Variants in TSPEAR observed in about 807,000 individuals in gnomAD.
TSPEAR encodes thrombospondin type laminin G domain and EAR repeats.
A neutral mutation model predicts 71.6 loss-of-function variants in TSPEAR; 69 were observed. The observed-to-expected ratio is 0.96, with a 90% CI of 0.79 to 1.18. The LOEUF is 1.18. Ranked by LOEUF, TSPEAR falls within the 50% of genes most tolerant of loss-of-function variation. The pLI is 0.00. For missense variants in TSPEAR, 971 were observed against 894.9 expected (o/e 1.09, Z -1.09); for synonymous variants, 402 against 387.2 (o/e 1.04, Z -0.45).
intron 2 of TSPEAR, chr21:44,550,681 G>C (rs1555918472): frequency 2.5e-6 from 4 of 1,613,132 alleles, no homozygotes; most frequent in Non-Finnish European, 3.4e-6. Context: ...GGCCCTGGGG[G>C]ACATGGCCAT....
intron 1 of TSPEAR, among the ~76,000 whole-genome samples, chr21:44,648,017 C>T (rs1984543790): frequency 6.6e-6 from 1 of 152,188 alleles, no homozygotes; most frequent in South Asian, 2.1e-4. Flanking sequence ...CCCCAGGCAC[C>T]GTGCTGGCCT....
intron 2 of TSPEAR, chr21:44,540,303 A>AG: frequency 1.6e-6 from 2 of 1,285,762 alleles, no homozygotes; most frequent in East Asian, 4.9e-5. Flanking sequence ...CAGGGCCCAC[A>AG]GCGTCCCCTT....
At position 44,649,192 on chromosome 21, in the gene TSPEAR, G is replaced by A. The variant is rs114173066; in HGVS notation, c.82+62241C>T. 6.4e-3 allele frequency among the ~76,000 whole-genome samples: 968 copies of A among 152,304 alleles called. 5 individuals carry two copies. The highest frequency in any genetic ancestry group is 0.022 in the African/African-American group (925 of 41,566). The stretch of plus-strand genomic sequence containing the variant: ...GCGAGGACATGGTTGGTGCATGCTC[G>A]TCAGGGTGTGATCAGAGACCCTCCA... On this transcript the variant is annotated intron_variant, in intron 1 of 11. Coordinates refer to ENST00000323084, the MANE Select transcript of TSPEAR (RefSeq NM_144991.3).
chr21:44,516,951 G>GC (rs1448963247), intron 9 of TSPEAR, among the ~76,000 whole-genome samples: 1 of 152,162 alleles, frequency 6.6e-6, no homozygotes, highest in Admixed American at 6.5e-5. Context: ...CATCGCAGGA[G>GC]CCCCTCGCTC....
At chr21:44,703,317 G>T (rs1987747968) in intron 1 of TSPEAR, among the ~76,000 whole-genome samples, 1 of 152,226 alleles carries the variant, frequency 6.6e-6, no homozygotes, top group Non-Finnish European at 1.5e-5. Flanking sequence ...TCCTGGATCT[G>T]CACCTCCAGG....
chr21:44,683,553 C>T (rs937979953), intron 1 of TSPEAR, among the ~76,000 whole-genome samples: 14 of 152,050 alleles, frequency 9.2e-5, no homozygotes, highest in African/African-American at 2.7e-4. Context: ...CTTGTGGTCC[C>T]AGCTACACGG....
At chr21:44,525,510 T>G in intron 8 of TSPEAR, 143 bp downstream of exon 8, 1 of 903,058 alleles carries the variant, frequency 1.1e-6, no homozygotes, top group Non-Finnish European at 1.7e-6. Flanking sequence ...CCCCAGACAG[T>G]GAGGAACGGT....
At chr21:44,573,433 C>T (rs1202917545) in intron 1 of TSPEAR, among the ~76,000 whole-genome samples, 2 of 152,176 alleles carry the variant, frequency 1.3e-5, no homozygotes, top group African/African-American at 4.8e-5. Flanking sequence ...CCACCCTCCA[C>T]GTGCGCCTGG....
intron 1 of TSPEAR, among the ~76,000 whole-genome samples, chr21:44,661,131 G>A (rs774730273): frequency 2.2e-4 from 33 of 151,692 alleles, no homozygotes; most frequent in Middle Eastern, 3.4e-3. Context: ...AAAATTAGCC[G>A]GGTGTGGTGG....
At chr21:44,668,604 T>C (rs372338089) in intron 1 of TSPEAR, among the ~76,000 whole-genome samples, 6 of 152,276 alleles carry the variant, frequency 3.9e-5, no homozygotes, top group African/African-American at 1.4e-4. Flanking sequence ...AAGAAAAGAA[T>C]AGAGCTGGAG....
chr21:44,530,047 G>C, intron 4 of TSPEAR, 93 bp from the exon 5 acceptor site: 1 of 1,328,700 alleles, frequency 7.5e-7, no homozygotes. Flanking sequence ...CCAGAGCCCG[G>C]AGGAGGCTCG....
At position 44,663,505 on chromosome 21, in the gene TSPEAR, G is replaced by A. The variant is rs587618537; in HGVS notation, c.82+47928C>T. Reference sequence around the variant, plus strand: ...AAAACTAGGGGCAAATGGCCTCCCTGGAAAATTCTACCAAACATTTAAAGA... The same window carrying A: ...AAAACTAGGGGCAAATGGCCTCCCTAGAAAATTCTACCAAACATTTAAAGA... On this transcript the variant is annotated intron_variant, in intron 1 of 11. Transcript: ENST00000323084. Among the ~76,000 whole-genome samples the A allele has an allele frequency of 2.0e-5, 3 of 152,012 alleles. No individual in the cohort carries two copies. The South Asian group carries it at 6.3e-4, about 32-fold the overall frequency.
chr21:44,584,001 A>G (rs1352680064), intron 1 of TSPEAR, among the ~76,000 whole-genome samples: 1 of 152,206 alleles, frequency 6.6e-6, no homozygotes, highest in African/African-American at 2.4e-5. Flanking sequence ...GTATCCTGTC[A>G]TCAACATCAA....
Position 44,509,361 on chromosome 21 carries a change from A to G in TSPEAR, c.1592T>C (p.Val531Ala), listed in dbSNP as rs1310573699. The G allele has an allele frequency of 6.2e-7, 1 of 1,612,696 alleles. No homozygotes were observed. Among genetic ancestry groups the G allele is most frequent in the East Asian group, 2.2e-5 (1 of 44,822 alleles). ...FPTFGAADWE[V>A]FQIGERIFLA... ...GAAGATCCTCTCCCCGATCTGGAAG[A>G]CCTCCCAGTCTGCAGCACCGAACGT... Residue 531 changes from valine (V) to alanine (A), a missense_variant, in exon 10 of 12, where the codon GTC (valine) becomes GCC (alanine). Val to Ala is a moderately conservative substitution (Grantham distance 64). Transcript: ENST00000323084.
At position 44,711,543 on chromosome 21, in the gene TSPEAR, G is replaced by A. The variant is rs1555953649; in HGVS notation, c.-29C>T. The A allele has an allele frequency of 3.8e-6, 6 of 1,599,776 alleles. No homozygotes were observed. The highest frequency in any genetic ancestry group is 5.1e-6 in the Non-Finnish European group (6 of 1,173,234). ...GGGCTTGGGTGCCAAGCTCCATCCA[G>A]GGCTCCGCTCAGCCTGCAGGGAAGT... On this transcript the variant is annotated 5_prime_UTR_variant, in exon 1 of 12. Coordinates refer to ENST00000323084, the MANE Select transcript of TSPEAR (RefSeq NM_144991.3). This position sits in a 1 kb window ranked among gnomAD's most constrained non-coding sequence, Gnocchi z 4.5.
At chr21:44,539,192 G>A (rs1202179245) in intron 2 of TSPEAR, 45 of 1,496,470 alleles carry the variant, frequency 3.0e-5, no homozygotes, top group East Asian at 7.1e-5. Context: ...GGGGAGACAC[G>A]GGGACCCGTC....
rs2052717483 is a variant in TSPEAR at position 44,520,708 on chromosome 21, T to C, written c.1566+1175A>G. ...GAACTCCATCTTCCTCCCTTCTGTTTTGAAGCTCATTCCCATGTGCTACCT... is the reference window on the plus strand; with the variant it reads ...GAACTCCATCTTCCTCCCTTCTGTTCTGAAGCTCATTCCCATGTGCTACCT... On this transcript the variant is annotated intron_variant, in intron 9 of 11. Transcript: ENST00000323084. The surrounding 1 kb of genome is among the most constrained non-coding windows in gnomAD (Gnocchi z 4.2). The C allele has an allele frequency of 1.3e-5, 2 of 152,302 alleles. No individual in the cohort carries two copies. The highest frequency in any genetic ancestry group is 1.3e-4 in the Admixed American group (2 of 15,284). 9.4% of individuals were successfully genotyped at this position (152,302 alleles called of 1,614,324 possible).
chr21:44,551,480 G>A (rs2053436019), intron 2 of TSPEAR: 1 of 1,591,162 alleles, frequency 6.3e-7, no homozygotes, highest in Non-Finnish European at 8.6e-7. Flanking sequence ...GAGGAGGTGA[G>A]CTGGGGGAGG....
intron 1 of TSPEAR, among the ~76,000 whole-genome samples, chr21:44,604,000 G>A (rs587721858): frequency 3.9e-5 from 6 of 152,344 alleles, no homozygotes; most frequent in Admixed American, 6.5e-5. Context: ...TCCTGGGCAC[G>A]TGGGCTGGCA....
Sources: allele counts gnomAD v4.1 joint callset (sites outside exome capture counted in the v4.1 genomes callset), GRCh38; gene constraint gnomAD v4.1.1; non-coding constraint Gnocchi (gnomAD v3.1); transcripts MANE v1.5; gene names NCBI Gene and HGNC (gene_info 2026-07-23, HGNC 2026-07-21).